The following UBAP2 variants were observed in gnomAD, a reference collection of about 807,000 sequenced individuals.
UBAP2 encodes the protein ubiquitin-associated protein 2.
Under a neutral mutation model 139.6 loss-of-function variants are expected in UBAP2, and 75 were observed. The observed-to-expected ratio is 0.54, with a 90% CI of 0.45 to 0.65. The LOEUF (loss-of-function observed/expected upper bound fraction) is 0.65, where lower values mean the gene tolerates loss of function less well. Ranked by LOEUF, UBAP2 falls within the 30% of genes least tolerant of loss-of-function variation. The pLI is 0.00. For synonymous variants in UBAP2, 526 were observed against 526.2 expected (o/e 1.00, Z 0.01); for missense variants, 1,368 against 1,369.6 (o/e 1.00, Z 0.02).
At chr9:34,008,441 G>T (rs903308238) in intron 2 of UBAP2, among the ~76,000 whole-genome samples, 1 of 151,756 alleles carries the variant, frequency 6.6e-6, no homozygotes, top group African/African-American at 2.4e-5. Flanking sequence ...TAACACAAAA[G>T]AAGTCAAAAA....
intron 12 of UBAP2, 115 bp from the exon 13 acceptor site, chr9:33,948,702 G>T: frequency 1.3e-6 from 1 of 776,762 alleles, no homozygotes. Flanking sequence ...TAAAACATAT[G>T]AATTACTAAA....
Position 33,923,211 on chromosome 9 carries a change from C to T in UBAP2, c.2979G>A (p.Lys993=), listed in dbSNP as rs1564012796. 1.2e-6 allele frequency: 2 copies of T among 1,614,218 alleles called. No homozygotes were observed. The highest frequency in any genetic ancestry group is 1.7e-6 in the Non-Finnish European group (2 of 1,180,030). Residue 993 remains lysine (K), a synonymous_variant, in exon 26 of 29, where the codon AAG becomes AAA. Transcript: ENST00000379238. ...CTTTGCCAGGCCCAGAACCTGCAGA[C>T]TTGTTTGGTGCCTGCGATGATCCAG... The part of the protein sequence containing the change: ...GYAGSSQAPN[K]SAGSGPGKGV...
At chr9:33,941,281 A>C (rs956081603) in intron 16 of UBAP2, among the ~76,000 whole-genome samples, 2 of 152,248 alleles carry the variant, frequency 1.3e-5, no homozygotes, top group Non-Finnish European at 2.9e-5. Context: ...ACACAAAAAT[A>C]CCTAACAGTG....
chr9:33,995,632 T>C (rs192456158), intron 4 of UBAP2: 2 of 142,324 alleles, frequency 1.4e-5, no homozygotes, highest in Non-Finnish European at 3.0e-5. Flanking sequence ...AATAAATATA[T>C]ACATATGTAT....
At chr9:34,019,032 A>T (rs1241747263) in intron 1 of UBAP2, among the ~76,000 whole-genome samples, 1 of 152,182 alleles carries the variant, frequency 6.6e-6, no homozygotes, top group Non-Finnish European at 1.5e-5. Context: ...TTAAGAAGGG[A>T]AGATATTCTA....
At chr9:33,986,188 G>A (rs1821197739) in intron 6 of UBAP2, among the ~76,000 whole-genome samples, 1 of 151,940 alleles carries the variant, frequency 6.6e-6, no homozygotes. Context: ...AAGTAGCTGG[G>A]ACTACAGGTG....
intron 24 of UBAP2, 127 bp from the exon 25 acceptor site, chr9:33,923,605 G>A: frequency 9.3e-7 from 1 of 1,077,610 alleles, no homozygotes; most frequent in Admixed American, 1.7e-5. Context: ...GTTTTCATTA[G>A]TGCAACACAT....
intron 20 of UBAP2, among the ~76,000 whole-genome samples, chr9:33,927,434 C>T (rs559187024): frequency 2.6e-5 from 4 of 152,150 alleles, no homozygotes; most frequent in Non-Finnish European, 5.9e-5. Flanking sequence ...AGGCTGAGTT[C>T]GAAGTCGGTT....
intron 1 of UBAP2, among the ~76,000 whole-genome samples, chr9:34,030,784 G>C (rs1057016731): frequency 4.0e-5 from 6 of 151,878 alleles, no homozygotes; most frequent in African/African-American, 1.5e-4. Context: ...TAAAAAATTA[G>C]CTGGGCATAG....
intron 13 of UBAP2, among the ~76,000 whole-genome samples, chr9:33,947,832 A>T (rs1056642119): frequency 2.6e-5 from 4 of 151,844 alleles, no homozygotes. Context: ...CTCAAAAAAA[A>T]AAAAAATAAA....
intron 2 of UBAP2, among the ~76,000 whole-genome samples, chr9:33,999,785 G>A (rs1822527184): frequency 6.9e-6 from 1 of 145,300 alleles, no homozygotes; most frequent in Non-Finnish European, 1.6e-5. Context: ...GATCTTGACT[G>A]TGCAACCTCC....
At chr9:34,039,924 C>T (rs555800258) in intron 1 of UBAP2, among the ~76,000 whole-genome samples, 33 of 150,078 alleles carry the variant, frequency 2.2e-4, no homozygotes, top group African/African-American at 7.8e-4. Flanking sequence ...TTTGGGAGGC[C>T]GAGGCGGGCG....
At chr9:33,988,874 G>A in intron 5 of UBAP2, 99 bp downstream of exon 5, 1 of 1,329,636 alleles carries the variant, frequency 7.5e-7, no homozygotes, top group Non-Finnish European at 1.0e-6. Context: ...GCTGAGCGCA[G>A]TGACTCATGC....
chr9:34,019,688 TACACACACACAC>T (rs56358132), intron 1 of UBAP2, among the ~76,000 whole-genome samples: 344 of 144,842 alleles, frequency 2.4e-3, no homozygotes, highest in Non-Finnish European at 3.9e-3. Context: ...TACATTTTAC[TACACACACACAC>T]ACACACACAC....
rs562725841 is a variant in UBAP2 at position 34,045,224 on chromosome 9, T to C, written c.-42+3601A>G. ...AGCCGGGCGTGGCGGCAGGCGCCAGTAGTCCCAGGTACTCGGGAGGCTGAG... is the reference window on the plus strand; with the variant it reads ...AGCCGGGCGTGGCGGCAGGCGCCAGCAGTCCCAGGTACTCGGGAGGCTGAG... On this transcript the variant is annotated intron_variant, in intron 1 of 28. Coordinates refer to ENST00000379238, the MANE Select transcript of UBAP2 (RefSeq NM_001370062.2). Among the ~76,000 whole-genome samples, 43 of 151,404 alleles carry C rather than the reference T, an allele frequency of 2.8e-4. 1 individual carries two copies. In the South Asian group the frequency reaches 9.0e-3, roughly 32 times the overall value.
At chr9:33,985,057 A>T (rs1289218468) in intron 6 of UBAP2, among the ~76,000 whole-genome samples, 3 of 152,206 alleles carry the variant, frequency 2.0e-5, no homozygotes, top group Non-Finnish European at 2.9e-5. Flanking sequence ...CAGTATGGAG[A>T]TTTATCAAAA....
chr9:33,930,756 C>T (rs1823902304), intron 19 of UBAP2, among the ~76,000 whole-genome samples: 1 of 151,860 alleles, frequency 6.6e-6, no homozygotes, highest in African/African-American at 2.4e-5. Flanking sequence ...ATTATCCGGG[C>T]ATGGTGGTAT....
Position 33,953,290 on chromosome 9 carries a change from T to C in UBAP2, c.1051A>G (p.Ser351Gly). The C allele has an allele frequency of 6.2e-7, 1 of 1,613,604 alleles. No homozygotes were observed. Among genetic ancestry groups the C allele is most frequent in the Non-Finnish European group, 8.5e-7 (1 of 1,179,770 alleles). Residue 351 changes from serine (S) to glycine (G), a missense_variant, in exon 12 of 29, where the codon AGC becomes GGC. Transcript: ENST00000379238. ...STAVNSCSPQ[S>G]LSSVLGSGFG... ...CTGAAATAAAAGTGAGTTACCAGGC[T>C]CTGAGGAGAACAGGAGTTGACGGCA...
chr9:34,029,283 T>C (rs962944414), intron 1 of UBAP2, among the ~76,000 whole-genome samples: 2 of 152,084 alleles, frequency 1.3e-5, no homozygotes, highest in Non-Finnish European at 2.9e-5. Context: ...ATCCAGCACT[T>C]TGGGAGGCTG....
Sources: gnomAD v4.1 joint callset for allele counts (sites outside exome capture counted in the v4.1 genomes callset) on GRCh38, gnomAD v4.1.1 for gene constraint, MANE v1.5 for transcripts, NCBI Gene and HGNC (gene_info 2026-07-23, HGNC 2026-07-21) for gene names.